CTNNA2: variants seen among roughly 807,000 people sequenced by gnomAD.
CTNNA2 encodes catenin alpha-2.
A neutral mutation model predicts 101.0 loss-of-function variants in CTNNA2; 42 were observed. The observed-to-expected ratio is 0.42, with a 90% CI of 0.32 to 0.54. The LOEUF is 0.54. Ranked by LOEUF, CTNNA2 falls within the 20% of genes least tolerant of loss-of-function variation. CTNNA2 has a pLI of 0.14. For missense variants in CTNNA2, 871 were observed against 1,223.1 expected (o/e 0.71, Z 4.29); for synonymous variants, 450 against 456.4 (o/e 0.99, Z 0.18).
chr2:79,433,704 C>T (rs1198775243), intron 4 of CTNNA2, among the ~76,000 whole-genome samples: 1 of 148,454 alleles, frequency 6.7e-6, no homozygotes, highest in Non-Finnish European at 1.5e-5. Flanking sequence ...AACTTGTAAC[C>T]AGAAAACTTG....
chr2:79,600,375 G>A (rs778573502), intron 1 of CTNNA2, among the ~76,000 whole-genome samples: 86 of 151,846 alleles, frequency 5.7e-4, no homozygotes, highest in Non-Finnish European at 1.1e-3. Context: ...ACAGGGTTTC[G>A]CCCTGTTGAC....
intron 3 of CTNNA2, among the ~76,000 whole-genome samples, chr2:79,366,303 C>CAATT (rs1677749383): frequency 6.6e-6 from 1 of 152,142 alleles, no homozygotes; most frequent in Admixed American, 6.5e-5. Context: ...TAAATTAATT[C>CAATT]AATTAATTAT....
intron 4 of CTNNA2, among the ~76,000 whole-genome samples, chr2:79,445,185 A>G (rs1001041986): frequency 6.6e-6 from 1 of 152,168 alleles, no homozygotes; most frequent in Non-Finnish European, 1.5e-5. Context: ...TCTGGAGAGT[A>G]AGGAGTTTCC....
In CTNNA2 at chr2:79,315,602, T is replaced by C. The variant is rs187912544; in HGVS notation, c.-318+2806T>C. Among the ~76,000 whole-genome samples, 9 of 152,316 alleles carry C rather than the reference T, an allele frequency of 5.9e-5. No individual in the cohort carries two copies. In the East Asian group the frequency reaches 1.3e-3, roughly 23 times the overall value. On this transcript the variant is annotated intron_variant, in intron 3 of 21. Coordinates refer to the CTNNA2 transcript ENST00000466387. ...TTCATTCATTTTTATGGTGTAATAA[T>C]ATTCTCTTTTATGTCTTTTATGGAT...
At chr2:80,562,042 A>G (rs1326902582) in intron 12 of CTNNA2, among the ~76,000 whole-genome samples, 1 of 149,976 alleles carries the variant, frequency 6.7e-6, no homozygotes, top group Non-Finnish European at 1.5e-5. Flanking sequence ...TGGAATATAA[A>G]TGCATGGTTC....
chr2:80,111,532 AGG>A (rs1156398478), intron 7 of CTNNA2, among the ~76,000 whole-genome samples: 1 of 152,146 alleles, frequency 6.6e-6, no homozygotes, highest in African/African-American at 2.4e-5. Context: ...CTTGATGTTG[AGG>A]TAAAATATTT....
intron 3 of CTNNA2, among the ~76,000 whole-genome samples, chr2:79,783,183 A>G (rs1024768149): frequency 7.2e-5 from 11 of 152,180 alleles, no homozygotes; most frequent in African/African-American, 2.7e-4. Flanking sequence ...TATAGAAATC[A>G]TAGGTCTGCC....
chr2:79,586,523 TTTTC>T (rs1676498616), intron 1 of CTNNA2, among the ~76,000 whole-genome samples: 1 of 68,232 alleles, frequency 1.5e-5, no homozygotes, highest in South Asian at 4.5e-4. Context: ...TTTTCTTTTC[TTTTC>T]TTTTTTTTTA....
chr2:80,576,882 C>A (rs1363713342), intron 13 of CTNNA2, among the ~76,000 whole-genome samples: 2 of 151,244 alleles, frequency 1.3e-5, no homozygotes, highest in African/African-American at 2.4e-5. Flanking sequence ...AGGAGAATTG[C>A]TTGAACCTGG....
intron 2 of CTNNA2, among the ~76,000 whole-genome samples, chr2:79,743,298 A>C (rs1160853103): frequency 1.3e-5 from 2 of 152,194 alleles, no homozygotes; most frequent in Non-Finnish European, 2.9e-5. Flanking sequence ...AGTTTATAGG[A>C]GATAACATGT....
At chr2:79,940,920 T>C (rs1341742540) in intron 7 of CTNNA2, among the ~76,000 whole-genome samples, 2 of 152,220 alleles carry the variant, frequency 1.3e-5, no homozygotes, top group East Asian at 3.9e-4. Context: ...TTTCTCACCA[T>C]CAAAATGTTG....
chr2:80,001,763 A>G (rs1448422675), intron 7 of CTNNA2, among the ~76,000 whole-genome samples: 2 of 152,120 alleles, frequency 1.3e-5, no homozygotes, highest in African/African-American at 4.8e-5. Context: ...CCTGTGCCTC[A>G]CCCCCACTGC....
At chr2:79,414,149 G>T (rs1678450740) in intron 4 of CTNNA2, among the ~76,000 whole-genome samples, 2 of 151,786 alleles carry the variant, frequency 1.3e-5, no homozygotes, top group South Asian at 4.2e-4. Context: ...AAACATGGAA[G>T]TTATTTCTGA....
intron 7 of CTNNA2, among the ~76,000 whole-genome samples, chr2:80,201,671 G>A (rs570676502): frequency 1.3e-4 from 20 of 152,096 alleles, no homozygotes; most frequent in African/African-American, 3.1e-4. Context: ...CACCGTGCCC[G>A]GCCACAATAA....
intron 1 of CTNNA2, among the ~76,000 whole-genome samples, chr2:79,599,712 T>C (rs543374822): frequency 6.6e-6 from 1 of 152,300 alleles, no homozygotes; most frequent in Non-Finnish European, 1.5e-5. Context: ...AAAAACTCAG[T>C]CTAGAAAAAT....
intron 3 of CTNNA2, among the ~76,000 whole-genome samples, chr2:79,755,664 G>A (rs913759932): frequency 2.0e-5 from 3 of 152,130 alleles, no homozygotes; most frequent in African/African-American, 7.2e-5. Flanking sequence ...GGGTGACCCT[G>A]TAAATTTTAT....
chr2:79,885,494 C>A (rs1683790322), intron 6 of CTNNA2, among the ~76,000 whole-genome samples: 1 of 152,160 alleles, frequency 6.6e-6, no homozygotes, highest in Non-Finnish European at 1.5e-5. Flanking sequence ...TAAGTGTCTC[C>A]TGGGAAAATA....
intron 2 of CTNNA2, among the ~76,000 whole-genome samples, chr2:79,237,547 C>T (rs536481712): frequency 1.3e-5 from 2 of 152,302 alleles, no homozygotes; most frequent in Non-Finnish European, 2.9e-5. Context: ...TGACTTCTCT[C>T]TAGCTGTGAG....
intron 17 of CTNNA2, chr2:80,613,101 T>C (rs1168918216): frequency 1.3e-5 from 2 of 151,442 alleles, no homozygotes; most frequent in Non-Finnish European, 3.0e-5. Context: ...ACAGAGTAAA[T>C]GGCAGTAGTT....
Sources: allele counts gnomAD v4.1 joint callset (sites outside exome capture counted in the v4.1 genomes callset), GRCh38; gene constraint gnomAD v4.1.1; transcripts MANE v1.5; gene names NCBI Gene and HGNC (gene_info 2026-07-23, HGNC 2026-07-21).